ARHGAP12: variants seen among roughly 807,000 people sequenced by gnomAD.
ARHGAP12 encodes the protein Rho GTPase activating protein 12.
ARHGAP12 carries 64 observed loss-of-function variants against 108.6 expected under a neutral mutation model. That is an observed-to-expected ratio of 0.59 (90% CI 0.48 to 0.73). ARHGAP12 has a LOEUF of 0.73. ARHGAP12 is among the 30% of genes least tolerant of loss of function. The pLI is 0.00. For missense variants in ARHGAP12, 940 were observed against 1,005.9 expected (o/e 0.93, Z 0.89); for synonymous variants, 312 against 337.2 (o/e 0.93, Z 0.82).
chr10:31,813,723 G>A (rs533214731), intron 14 of ARHGAP12, among the ~76,000 whole-genome samples: 21 of 152,224 alleles, frequency 1.4e-4, no homozygotes, highest in African/African-American at 4.6e-4. Context: ...AATTCATAAG[G>A]GGCCAACATT....
At chr10:31,927,821 T>A (rs1296404754) in intron 1 of ARHGAP12, among the ~76,000 whole-genome samples, 3 of 152,066 alleles carry the variant, frequency 2.0e-5, no homozygotes, top group Admixed American at 2.0e-4. Context: ...TCTCAAAGGG[T>A]CTGCAGTCAC....
chr10:31,818,029 T>G (rs565779202), intron 12 of ARHGAP12, 143 bp from the exon 13 acceptor site: 5 of 606,614 alleles, frequency 8.2e-6, no homozygotes, highest in Non-Finnish European at 1.4e-5. Flanking sequence ...GTTAAAGGAC[T>G]ACACGGCTAT....
At chr10:31,927,973 G>A (rs1383019962) in intron 1 of ARHGAP12, among the ~76,000 whole-genome samples, 1 of 152,242 alleles carries the variant, frequency 6.6e-6, no homozygotes, top group Non-Finnish European at 1.5e-5. Flanking sequence ...CTGGAGGGGA[G>A]CGAATGCACG....
At chr10:31,851,036 T>C (rs1224589647) in intron 6 of ARHGAP12, among the ~76,000 whole-genome samples, 1 of 152,150 alleles carries the variant, frequency 6.6e-6, no homozygotes, top group African/African-American at 2.4e-5. Flanking sequence ...CACGGTATTT[T>C]ATGATTGATG....
At chr10:31,924,098 C>A (rs927903916) in intron 1 of ARHGAP12, among the ~76,000 whole-genome samples, 5 of 152,170 alleles carry the variant, frequency 3.3e-5, no homozygotes, top group Non-Finnish European at 5.9e-5. Context: ...CTCTTCATTG[C>A]TGGTGGAAAT....
chr10:31,874,215 T>C (rs1167938119), intron 3 of ARHGAP12, among the ~76,000 whole-genome samples: 3 of 152,208 alleles, frequency 2.0e-5, no homozygotes, highest in Non-Finnish European at 4.4e-5. Flanking sequence ...TTTTAAGATA[T>C]ACATTTAAAT....
At position 31,861,285 on chromosome 10, in the gene ARHGAP12, C is replaced by T. The variant is rs536753255; in HGVS notation, c.948+110G>A. 13 of 1,258,264 alleles carry T rather than the reference C, an allele frequency of 1.0e-5. No individual in the cohort carries two copies. In the African/African-American group the frequency reaches 1.1e-4, roughly 10 times the overall value. The allele number at this position is 1,258,264 out of a possible 1,614,324, so 77.9% of individuals were successfully genotyped here. On this transcript the variant is annotated intron_variant, in intron 4 of 19. Coordinates refer to ENST00000344936, the MANE Select transcript of ARHGAP12 (RefSeq NM_018287.7). ...GAATTTTTAATGATCTTAGAGATCA[C>T]GTGTTTTAACATGCTGACAGTAAGA...
chr10:31,925,514 TC>T (rs771021592), intron 1 of ARHGAP12, among the ~76,000 whole-genome samples: 2 of 152,222 alleles, frequency 1.3e-5, no homozygotes, highest in African/African-American at 2.4e-5. Flanking sequence ...TTTCCACACT[TC>T]ATTCAGATTT....
Position 31,809,002 on chromosome 10 carries a change from T to C in ARHGAP12, c.2255A>G (p.Asn752Ser), listed in dbSNP as rs147138832. 1 of 1,584,226 alleles carries C rather than the reference T, an allele frequency of 6.3e-7. No individual in the cohort carries two copies. The highest frequency in any genetic ancestry group is 8.6e-7 in the Non-Finnish European group (1 of 1,159,260). Residue 752 changes from asparagine to serine, a missense_variant, in exon 18 of 20, where the codon AAT becomes AGT. Transcript: ENST00000344936. ...FTFNHFNDFV[N>S]AIKQEPRQRV... ...TAGAATTACATACTTACTAATTGCA[T>C]TAACAAAATCATTAAAATGATTAAA...
intron 6 of ARHGAP12, 93 bp from the exon 7 acceptor site, chr10:31,843,679 A>C (rs1411276023): frequency 7.2e-7 from 1 of 1,386,516 alleles, no homozygotes; most frequent in African/African-American, 1.5e-5. Flanking sequence ...AATGACAAAG[A>C]CTGTTAGGCG....
intron 11 of ARHGAP12, among the ~76,000 whole-genome samples, chr10:31,824,489 A>T (rs889327340): frequency 6.6e-6 from 1 of 152,170 alleles, no homozygotes; most frequent in Admixed American, 6.5e-5. Flanking sequence ...ACAAAGTAAT[A>T]CAACCTTGGC....
At chr10:31,818,590 AT>A (rs1355528630) in intron 12 of ARHGAP12, among the ~76,000 whole-genome samples, 18 of 152,062 alleles carry the variant, frequency 1.2e-4, no homozygotes, top group Admixed American at 6.5e-5. Flanking sequence ...TTAAAAACTG[AT>A]TTTTTTTCCT....
At chr10:31,922,015 C>T (rs370371388) in intron 1 of ARHGAP12, among the ~76,000 whole-genome samples, 3 of 150,780 alleles carry the variant, frequency 2.0e-5, no homozygotes, top group East Asian at 3.9e-4. Flanking sequence ...CGTGGTGAAA[C>T]CCCATATCTA....
At chr10:31,882,043 T>A (rs955433075) in intron 3 of ARHGAP12, among the ~76,000 whole-genome samples, 7 of 150,946 alleles carry the variant, frequency 4.6e-5, no homozygotes, top group Admixed American at 4.6e-4. Flanking sequence ...GCCTCCCAAG[T>A]AGCTGGGACT....
At chr10:31,902,616 AG>A (rs35126299) in intron 3 of ARHGAP12, among the ~76,000 whole-genome samples, 17,498 of 151,872 alleles carry the variant, frequency 0.12, 1,262 homozygotes, top group Non-Finnish European at 0.17. Context: ...GGTTCTAATG[AG>A]CTACAATCGT....
rs989780988 is a variant in ARHGAP12 at position 31,834,232 on chromosome 10, T to C, written c.1387-2432A>G. Among the ~76,000 whole-genome samples the C allele has an allele frequency of 2.6e-5, 4 of 152,210 alleles. No individual in the cohort carries two copies. The East Asian group carries it at 7.7e-4, about 29-fold the overall frequency. ...CTCAGTTTGTTTGCCTTATTGTACT[T>C]ACTACAGACTAAATGTTTGTGTCCC... On this transcript the variant is annotated intron_variant, in intron 9 of 19. Transcript: ENST00000344936.
At chr10:31,891,893 TTC>T (rs1838455674) in intron 3 of ARHGAP12, among the ~76,000 whole-genome samples, 1 of 152,236 alleles carries the variant, frequency 6.6e-6, no homozygotes, top group Non-Finnish European at 1.5e-5. Flanking sequence ...AGCTTGTGCA[TTC>T]GTCACATAGT....
intron 3 of ARHGAP12, among the ~76,000 whole-genome samples, chr10:31,903,977 C>T (rs1202620736): frequency 6.6e-6 from 1 of 152,136 alleles, no homozygotes; most frequent in South Asian, 2.1e-4. Flanking sequence ...GGTGAGCACG[C>T]GGAGGAACTG....
At chr10:31,818,455 A>G (rs561979602) in intron 12 of ARHGAP12, among the ~76,000 whole-genome samples, 104 of 152,352 alleles carry the variant, frequency 6.8e-4, no homozygotes, top group African/African-American at 2.4e-3. Context: ...TGAAGTAAGA[A>G]TACTATGTTT....
Sources: allele counts gnomAD v4.1 joint callset (sites outside exome capture counted in the v4.1 genomes callset), GRCh38; gene constraint gnomAD v4.1.1; transcripts MANE v1.5; gene names NCBI Gene and HGNC (gene_info 2026-07-23, HGNC 2026-07-21).